The following ARID1B variants were observed in gnomAD, a reference collection of about 807,000 sequenced individuals.
ARID1B encodes AT-rich interactive domain-containing protein 1B.
A neutral mutation model predicts 212.3 loss-of-function variants in ARID1B; 30 were observed. The ratio of observed to expected loss-of-function variants is 0.14; its 90% CI spans 0.11 to 0.19. The LOEUF (loss-of-function observed/expected upper bound fraction) is 0.19. ARID1B is among the 10% of genes least tolerant of loss of function. The pLI, the probability that ARID1B is intolerant of heterozygous loss-of-function variation, is 1.00. For synonymous variants in ARID1B, 1,402 were observed against 1,301.7 expected (o/e 1.08, Z -1.66); for missense variants, 2,891 against 3,204.0 (o/e 0.90, Z 2.36).
chr6:157,052,200 G>A (rs1782654936), intron 4 of ARID1B, among the ~76,000 whole-genome samples: 3 of 152,108 alleles, frequency 2.0e-5, no homozygotes, highest in African/African-American at 7.2e-5. Context: ...ATATATATAT[G>A]TAGTAAAATG....
intron 3 of ARID1B, among the ~76,000 whole-genome samples, chr6:156,903,237 A>C (rs1226132420): frequency 3.3e-5 from 5 of 152,300 alleles, no homozygotes; most frequent in African/African-American, 1.2e-4. Flanking sequence ...ATTTTAATGA[A>C]TATTATTTTA....
intron 1 of ARID1B, among the ~76,000 whole-genome samples, chr6:156,820,066 G>A (rs1782245772): frequency 6.6e-6 from 1 of 152,148 alleles, no homozygotes; most frequent in South Asian, 2.1e-4. Context: ...CTTTCTCTGA[G>A]GTCAGAGAGA....
In ARID1B at chr6:157,041,737, C is replaced by A. The variant is rs532876445; in HGVS notation, c.2248-42925C>A. Among the ~76,000 whole-genome samples, 5 of 152,282 alleles carry A rather than the reference C, an allele frequency of 3.3e-5. No homozygotes were observed. The East Asian group carries it at 9.6e-4, about 29-fold the overall frequency. On this transcript the variant is annotated intron_variant, in intron 4 of 19. Coordinates refer to ENST00000636930, the MANE Select transcript of ARID1B (RefSeq NM_001374828.1). ...CTGGGATTTGCACCAGCAGTGTCAGCCCCAGCACCTTCTCTGTTTTCTGAA... is the reference window on the plus strand; with the variant it reads ...CTGGGATTTGCACCAGCAGTGTCAGACCCAGCACCTTCTCTGTTTTCTGAA...
rs1418110374 is a variant in ARID1B at position 157,148,543 on chromosome 6, T to C, written c.2762-81T>C. 6.8e-7 allele frequency: 1 copy of C among 1,460,058 alleles called. No homozygotes were observed. The highest frequency in any genetic ancestry group is 9.3e-7 in the Non-Finnish European group (1 of 1,074,374). 90.4% of individuals were successfully genotyped at this position (1,460,058 alleles called of 1,614,324 possible). A position where few individuals can be genotyped will look rare whatever the true frequency, so the allele number is the denominator to read the frequency against. The stretch of plus-strand genomic sequence containing the variant: ...TGACTAATACTCCGTGCTGATCGCA[T>C]TGTTGGACAAAAAGTATTTCCAGTG... On this transcript the variant is annotated intron_variant, in intron 7 of 19. Transcript: ENST00000636930. This position sits in a 1 kb window ranked among gnomAD's most constrained non-coding sequence, Gnocchi z 5.6.
intron 2 of ARID1B, chr6:156,870,276 G>C (rs1786021232): frequency 6.6e-6 from 1 of 152,188 alleles, no homozygotes. Flanking sequence ...AAATCCTTTT[G>C]CCTCCCCCCG....
chr6:157,085,889 T>C (rs1424066350), intron 5 of ARID1B, among the ~76,000 whole-genome samples: 1 of 152,228 alleles, frequency 6.6e-6, no homozygotes, highest in African/African-American at 2.4e-5. Flanking sequence ...TTCTTCCTTA[T>C]CCCAAGCTCT....
At chr6:157,178,605 A>C (rs1282689977) in intron 11 of ARID1B, among the ~76,000 whole-genome samples, 1 of 152,218 alleles carries the variant, frequency 6.6e-6, no homozygotes, top group African/African-American at 2.4e-5. Context: ...TGGTGCCATA[A>C]AAATGCCTCT....
chr6:157,039,318 A>ATTTTTTTTTTTTTTTTTTTT (rs1215591720), intron 4 of ARID1B, among the ~76,000 whole-genome samples: 49 of 112,776 alleles, frequency 4.3e-4, no homozygotes, highest in Non-Finnish European at 5.0e-4. Flanking sequence ...GAAATTTGAC[A>ATTTTTTTTTTTTTTTTTTTT]TTTCTTTTTT....
At chr6:157,023,809 AT>A (rs1261792865) in intron 4 of ARID1B, 2 of 152,220 alleles carry the variant, frequency 1.3e-5, no homozygotes, top group Non-Finnish European at 2.9e-5. Flanking sequence ...CCTACCTAAT[AT>A]AATGAGTGTG....
chr6:157,148,726 A>G lies in ARID1B; in HGVS notation c.2864A>G (p.Gln955Arg). The G allele has an allele frequency of 6.2e-7, 1 of 1,613,148 alleles. No homozygotes were observed. The highest frequency in any genetic ancestry group is 8.5e-7 in the Non-Finnish European group (1 of 1,179,954). The change falls in exon 8 of 20, where the codon CAA (glutamine) becomes CGA (arginine). Residue 955 changes from glutamine to arginine, a missense_variant. Gln to Arg is a conservative substitution (Grantham distance 43). This residue lies in a region of ARID1B where 1,643 missense variants were observed against 1,544.0 expected (regional missense o/e 1.06). Transcript: ENST00000636930. This position sits in a 1 kb window ranked among gnomAD's most constrained non-coding sequence, Gnocchi z 5.6. ...GISANNQMHG[Q>R]GPSQPCGAVP... Reference sequence around the variant, plus strand: ...AGTGCCAACAACCAGATGCATGGACAAGGGCCAAGCCAGCCATGTGGTGCT... The same window carrying G: ...AGTGCCAACAACCAGATGCATGGACGAGGGCCAAGCCAGCCATGTGGTGCT...
chr6:156,897,790 C>T (rs1272534615), intron 2 of ARID1B, among the ~76,000 whole-genome samples: 2 of 152,062 alleles, frequency 1.3e-5, no homozygotes, highest in Non-Finnish European at 2.9e-5. Context: ...CATTCAGTGG[C>T]TGTAGATGAA....
chr6:157,014,654 T>G (rs1225675567), intron 4 of ARID1B, among the ~76,000 whole-genome samples: 3 of 152,172 alleles, frequency 2.0e-5, no homozygotes, highest in African/African-American at 7.2e-5. Flanking sequence ...CCATGTGCAA[T>G]AGAGTTTGGG....
intron 1 of ARID1B, among the ~76,000 whole-genome samples, chr6:156,802,263 T>G (rs1290455241): frequency 6.6e-6 from 1 of 152,216 alleles, no homozygotes; most frequent in Non-Finnish European, 1.5e-5. Flanking sequence ...TTTGCAAACA[T>G]TTTATTTCAC....
chr6:157,119,705 C>T (rs914899776), intron 6 of ARID1B: 28 of 152,338 alleles, frequency 1.8e-4, no homozygotes, highest in African/African-American at 6.8e-4. Context: ...CAGGCACCCT[C>T]TGAAGCAGCC....
intron 4 of ARID1B, among the ~76,000 whole-genome samples, chr6:156,956,943 A>G (rs535289586): frequency 1.3e-5 from 2 of 152,330 alleles, no homozygotes; most frequent in East Asian, 3.9e-4. Flanking sequence ...TGGATCCCAT[A>G]TGGTCAGGAT....
At chr6:156,805,864 A>T (rs1781120477) in intron 1 of ARID1B, among the ~76,000 whole-genome samples, 1 of 151,968 alleles carries the variant, frequency 6.6e-6, no homozygotes, top group Non-Finnish European at 1.5e-5. Flanking sequence ...TTTTGTGGAG[A>T]TGGAGTCTCG....
At chr6:157,134,996 C>A (rs1307531197) in intron 7 of ARID1B, among the ~76,000 whole-genome samples, 1 of 151,784 alleles carries the variant, frequency 6.6e-6, no homozygotes, top group East Asian at 1.9e-4. Context: ...GAAGACTGAG[C>A]CTTGGGCTAT....
In ARID1B at chr6:157,148,654, G is replaced by A. The variant is rs760280267; in HGVS notation, c.2792G>A (p.Gly931Glu). 1.9e-6 allele frequency: 3 copies of A among 1,603,558 alleles called. No individual in the cohort carries two copies. The highest frequency in any genetic ancestry group is 2.6e-6 in the Non-Finnish European group (3 of 1,171,706). Reference protein sequence around the residue: ...GNYSRPPAYSGVPSASYSGPG... With the variant: ...GNYSRPPAYSEVPSASYSGPG... ...TACTCCAGACCCCCAGCGTATAGTGGGGTGCCCAGTGCAAGCTACAGCGGC... is the reference window on the plus strand; with the variant it reads ...TACTCCAGACCCCCAGCGTATAGTGAGGTGCCCAGTGCAAGCTACAGCGGC... Residue 931 changes from glycine (G) to glutamate (E), a missense_variant, in exon 8 of 20, where the codon GGG (glycine) becomes GAG (glutamate). Coordinates refer to ENST00000636930, the MANE Select transcript of ARID1B (RefSeq NM_001374828.1). The surrounding 1 kb of genome is among the most constrained non-coding windows in gnomAD (Gnocchi z 5.6).
intron 2 of ARID1B, among the ~76,000 whole-genome samples, chr6:156,897,943 C>T (rs956728257): frequency 4.6e-5 from 7 of 152,104 alleles, no homozygotes; most frequent in African/African-American, 9.7e-5. Flanking sequence ...TGTTTGTTGA[C>T]GCTCAGATCC....
Sources: allele counts gnomAD v4.1 joint callset (sites outside exome capture counted in the v4.1 genomes callset), GRCh38; gene constraint gnomAD v4.1.1; regional missense constraint gnomAD v4.1.1; non-coding constraint Gnocchi (gnomAD v3.1); transcripts MANE v1.5; gene names NCBI Gene and HGNC (gene_info 2026-07-23, HGNC 2026-07-21).